ZMAT4: variants seen among roughly 807,000 people sequenced by gnomAD.
The protein encoded by ZMAT4 is zinc finger matrin-type protein 4.
In ZMAT4, 17 loss-of-function variants were observed where a neutral mutation model predicts 28.7. That is an observed-to-expected ratio of 0.59 (90% confidence interval 0.41 to 0.89). The LOEUF is 0.89. ZMAT4 is among the 40% of genes least tolerant of loss of function. ZMAT4 has a pLI of 0.00. For missense variants in ZMAT4, 240 were observed against 283.8 expected, an observed-to-expected ratio of 0.85 and a Z score of 1.11; for synonymous variants, 117 against 109.2, an observed-to-expected ratio of 1.07 and a Z score of -0.44.
chr8:40,852,621 G>T (rs182288613), intron 1 of ZMAT4, among the ~76,000 whole-genome samples: 1 of 152,272 alleles, frequency 6.6e-6, no homozygotes, highest in African/African-American at 2.4e-5. Context: ...GCTCCTTAAA[G>T]GTTACTTGCA....
intron 1 of ZMAT4, among the ~76,000 whole-genome samples, chr8:40,889,596 C>T (rs1043003642): frequency 6.6e-6 from 1 of 152,194 alleles, no homozygotes; most frequent in Non-Finnish European, 1.5e-5. Flanking sequence ...GTTCTCAGGA[C>T]TACATACACC....
chr8:40,812,696 C>T (rs536187821), intron 2 of ZMAT4, among the ~76,000 whole-genome samples: 69 of 152,014 alleles, frequency 4.5e-4, no homozygotes, highest in Non-Finnish European at 7.9e-4. Context: ...TTTGGGAGGC[C>T]GAGGCGGGCG....
At chr8:40,566,353 T>C (rs757471654) in intron 6 of ZMAT4, among the ~76,000 whole-genome samples, 2 of 152,190 alleles carry the variant, frequency 1.3e-5, no homozygotes, top group African/African-American at 4.8e-5. Context: ...ATGAAGAGCA[T>C]TGCCCAGATC....
intron 5 of ZMAT4, among the ~76,000 whole-genome samples, chr8:40,632,966 G>A (rs1806651167): frequency 6.6e-6 from 1 of 152,130 alleles, no homozygotes; most frequent in African/African-American, 2.4e-5. Flanking sequence ...CTTGTTCAAT[G>A]TCCCAGATAC....
intron 4 of ZMAT4, among the ~76,000 whole-genome samples, chr8:40,693,246 A>G (rs1390112576): frequency 6.6e-6 from 1 of 152,052 alleles, no homozygotes; most frequent in Non-Finnish European, 1.5e-5. Context: ...CCTCCCAAGG[A>G]GCTTGGACTA....
intron 4 of ZMAT4, among the ~76,000 whole-genome samples, chr8:40,690,660 G>T (rs1809621309): frequency 2.6e-5 from 4 of 152,084 alleles, no homozygotes; most frequent in Admixed American, 2.0e-4. Context: ...AACCTAGAGT[G>T]CATGTATTAT....
At chr8:40,808,652 A>G in intron 2 of ZMAT4, 1 of 419,224 alleles carries the variant, frequency 2.4e-6, no homozygotes, top group Non-Finnish European at 4.8e-6. Flanking sequence ...CACATTAGAC[A>G]TCTTCACTCA....
chr8:40,535,955 G>T (rs185477526), intron 6 of ZMAT4, among the ~76,000 whole-genome samples: 1 of 152,090 alleles, frequency 6.6e-6, no homozygotes, highest in African/African-American at 2.4e-5. Context: ...GAAATGATAC[G>T]GCCAGAGTTT....
chr8:40,551,388 T>C (rs1006715974), intron 6 of ZMAT4, among the ~76,000 whole-genome samples: 9 of 150,326 alleles, frequency 6.0e-5, no homozygotes. Context: ...GAGAAAGATA[T>C]CACGTTGTTC....
intron 6 of ZMAT4, among the ~76,000 whole-genome samples, chr8:40,553,221 C>G (rs1470518630): frequency 6.6e-6 from 1 of 152,174 alleles, no homozygotes; most frequent in African/African-American, 2.4e-5. Context: ...GAAGCAAATC[C>G]TGCAGCCCCA....
intron 5 of ZMAT4, among the ~76,000 whole-genome samples, chr8:40,602,953 CT>C (rs768506541): frequency 9.9e-5 from 15 of 152,164 alleles, no homozygotes; most frequent in Non-Finnish European, 1.9e-4. Context: ...GTCACATTTG[CT>C]TTTGGGTTCT....
At chr8:40,607,034 A>G (rs2599689) in intron 5 of ZMAT4, among the ~76,000 whole-genome samples, 116,139 of 151,170 alleles carry the variant, frequency 0.77, 44,792 homozygotes, top group East Asian at 0.97. Flanking sequence ...TTTTTCCAAC[A>G]TGTCCTTTAT....
chr8:40,638,087 TG>T (rs750347180), intron 5 of ZMAT4, among the ~76,000 whole-genome samples: 19 of 152,146 alleles, frequency 1.2e-4, no homozygotes, highest in Non-Finnish European at 2.6e-4. Flanking sequence ...GAGGAGACGT[TG>T]GTCAAAGGGT....
At chr8:40,595,948 G>A (rs1177579036) in intron 5 of ZMAT4, among the ~76,000 whole-genome samples, 2 of 152,062 alleles carry the variant, frequency 1.3e-5, no homozygotes, top group East Asian at 1.9e-4. Flanking sequence ...GCCAGGCATG[G>A]TGGTGGGCGC....
chr8:40,895,118 G>C (rs1000139517), intron 1 of ZMAT4, among the ~76,000 whole-genome samples: 1 of 151,372 alleles, frequency 6.6e-6, no homozygotes, highest in African/African-American at 2.4e-5. Context: ...GCTTGGAAAA[G>C]CAGAAAGACA....
At chr8:40,545,912 G>C (rs1297549470) in intron 6 of ZMAT4, among the ~76,000 whole-genome samples, 1 of 147,886 alleles carries the variant, frequency 6.8e-6, no homozygotes, top group Non-Finnish European at 1.5e-5. Context: ...AATCCTAGCA[G>C]TCCTCTGAAA....
intron 3 of ZMAT4, among the ~76,000 whole-genome samples, chr8:40,701,606 C>T (rs1374852137): frequency 6.8e-6 from 1 of 147,680 alleles, no homozygotes; most frequent in South Asian, 2.2e-4. Flanking sequence ...CAACCTCCAC[C>T]TCCTGGGTTC....
chr8:40,595,171 A>G (rs1455817058), intron 5 of ZMAT4, among the ~76,000 whole-genome samples: 1 of 152,182 alleles, frequency 6.6e-6, no homozygotes, highest in Non-Finnish European at 1.5e-5. Flanking sequence ...TTTCCTTTCT[A>G]TCAACAACCT....
chr8:40,684,802 G>A (rs1809327461), intron 4 of ZMAT4, among the ~76,000 whole-genome samples: 1 of 152,148 alleles, frequency 6.6e-6, no homozygotes, highest in South Asian at 2.1e-4. Flanking sequence ...CTAGAATAGA[G>A]CTGTGACTTT....
Sources: allele counts gnomAD v4.1 joint callset (sites outside exome capture counted in the v4.1 genomes callset), GRCh38; gene constraint gnomAD v4.1.1; transcripts MANE v1.5; gene names NCBI Gene and HGNC (gene_info 2026-07-23, HGNC 2026-07-21).